The following ZNF385D variants were observed in gnomAD, a reference collection of about 807,000 sequenced individuals.
The protein encoded by ZNF385D is zinc finger protein 385D, also known as zinc finger protein 659.
In ZNF385D, 15 loss-of-function variants were observed where a neutral mutation model predicts 35.8. The observed-to-expected ratio is 0.42, with a 90% CI of 0.28 to 0.64. The LOEUF (loss-of-function observed/expected upper bound fraction) is 0.64, where lower values mean the gene tolerates loss of function less well. Among genes scored for constraint, ZNF385D ranks in the 30% least tolerant of loss-of-function variants. ZNF385D has a pLI of 0.23. For missense variants in ZNF385D, 474 were observed against 494.6 expected (o/e 0.96, Z 0.39); for synonymous variants, 212 against 186.8 (o/e 1.13, Z -1.10).
At chr3:21,937,694 T>G (rs61409793) in intron 3 of ZNF385D, among the ~76,000 whole-genome samples, 376 of 152,122 alleles carry the variant, frequency 2.5e-3, no homozygotes, top group African/African-American at 8.6e-3. Flanking sequence ...AATTATCTGT[T>G]TCCCTACAGC....
chr3:21,471,549 T>C (rs1406980000), intron 4 of ZNF385D, among the ~76,000 whole-genome samples: 2 of 152,166 alleles, frequency 1.3e-5, no homozygotes, highest in East Asian at 1.9e-4. Flanking sequence ...ACATTATTTA[T>C]GGTGGAAACA....
chr3:22,369,039 A>G (rs1293190150), intron 2 of ZNF385D, among the ~76,000 whole-genome samples: 2 of 152,176 alleles, frequency 1.3e-5, no homozygotes, highest in Admixed American at 1.3e-4. Context: ...CTTGATTTTC[A>G]ACTCACCAGC....
chr3:22,065,598 C>A (rs970868008), intron 3 of ZNF385D, among the ~76,000 whole-genome samples: 3 of 152,054 alleles, frequency 2.0e-5, no homozygotes, highest in African/African-American at 7.2e-5. Flanking sequence ...GTGAAAAGAT[C>A]AATTTGTTGA....
rs192292915 is a variant in ZNF385D at position 21,512,424 on chromosome 3, A to C, written c.277-1401T>G. ...TTCACTTTGCCAAAAAATAATAATC[A>C]CATTGTCCTCTTCATTACAGAACCT... On this transcript the variant is annotated intron_variant, in intron 3 of 7. Coordinates refer to ENST00000281523, the MANE Select transcript of ZNF385D (RefSeq NM_024697.3). Among the ~76,000 whole-genome samples the C allele has an allele frequency of 2.8e-3, 428 of 152,310 alleles. 1 individual carries two copies. Among genetic ancestry groups the C allele is most frequent in the Non-Finnish European group, 4.6e-3 (316 of 68,024 alleles).
At chr3:21,957,425 G>A (rs1021516478) in intron 3 of ZNF385D, among the ~76,000 whole-genome samples, 2 of 152,122 alleles carry the variant, frequency 1.3e-5, no homozygotes, top group Non-Finnish European at 2.9e-5. Context: ...ACTTTCTGTA[G>A]ACTTGTTGAA....
At chr3:22,293,825 G>A (rs1035577671) in intron 2 of ZNF385D, among the ~76,000 whole-genome samples, 12 of 152,060 alleles carry the variant, frequency 7.9e-5, no homozygotes, top group Non-Finnish European at 1.8e-4. Flanking sequence ...TATCCCTGGA[G>A]GTGAGGCCTA....
At chr3:22,169,289 C>A (rs1380787536) in intron 2 of ZNF385D, among the ~76,000 whole-genome samples, 1 of 152,234 alleles carries the variant, frequency 6.6e-6, no homozygotes, top group Middle Eastern at 3.4e-3. Context: ...ATTTAATTAT[C>A]ATAACAATGT....
chr3:22,111,776 G>A (rs1702549866), intron 3 of ZNF385D, among the ~76,000 whole-genome samples: 1 of 152,008 alleles, frequency 6.6e-6, no homozygotes, highest in South Asian at 2.1e-4. Flanking sequence ...AAATGCTTTT[G>A]CTTAGGACTC....
chr3:21,681,248 T>C (rs1163006322), intron 1 of ZNF385D, among the ~76,000 whole-genome samples: 1 of 127,644 alleles, frequency 7.8e-6, no homozygotes, highest in Non-Finnish European at 1.6e-5. Flanking sequence ...ATTATTTTTA[T>C]TTTAAATAAG....
At chr3:22,109,554 T>A (rs753291557) in intron 3 of ZNF385D, among the ~76,000 whole-genome samples, 15 of 152,076 alleles carry the variant, frequency 9.9e-5, no homozygotes, top group Non-Finnish European at 1.9e-4. Context: ...GCAAATAGGG[T>A]TTTTCTCAGA....
intron 2 of ZNF385D, among the ~76,000 whole-genome samples, chr3:22,198,498 A>C (rs982906093): frequency 1.1e-4 from 17 of 152,238 alleles, no homozygotes; most frequent in African/African-American, 4.1e-4. Context: ...TAGAATAAAG[A>C]AAACAAGAGA....
chr3:22,192,267 C>A (rs1364408122), intron 2 of ZNF385D, among the ~76,000 whole-genome samples: 1 of 152,108 alleles, frequency 6.6e-6, no homozygotes, highest in Non-Finnish European at 1.5e-5. Context: ...GCTGAGATGT[C>A]TGCAATGAGT....
intron 3 of ZNF385D, among the ~76,000 whole-genome samples, chr3:21,767,628 G>A (rs1044804454): frequency 1.3e-5 from 2 of 151,868 alleles, no homozygotes; most frequent in African/African-American, 4.8e-5. Flanking sequence ...TAGATGAGTG[G>A]GTGGATGGAT....
At chr3:21,912,094 C>T (rs982688008) in intron 3 of ZNF385D, among the ~76,000 whole-genome samples, 38 of 151,884 alleles carry the variant, frequency 2.5e-4, no homozygotes, top group African/African-American at 8.7e-4. Context: ...AGCTTGCTTA[C>T]TTAGGCTCAC....
chr3:21,669,064 G>A (rs895437281), intron 1 of ZNF385D, among the ~76,000 whole-genome samples: 1 of 152,142 alleles, frequency 6.6e-6, no homozygotes, highest in East Asian at 1.9e-4. Flanking sequence ...GTCTTTTAAA[G>A]CCTCCATGGA....
chr3:22,296,801 G>C (rs9871951), intron 2 of ZNF385D, among the ~76,000 whole-genome samples: 1 of 152,064 alleles, frequency 6.6e-6, no homozygotes, highest in African/African-American at 2.4e-5. Context: ...GAGCATGGTG[G>C]TTGGCTTCTC....
At chr3:21,910,631 TATA>T in intron 3 of ZNF385D, among the ~76,000 whole-genome samples, 1 of 152,004 alleles carries the variant, frequency 6.6e-6, no homozygotes, top group Non-Finnish European at 1.5e-5. Flanking sequence ...GTATCTCATG[TATA>T]ATAATATAAT....
chr3:22,083,218 G>A (rs1324060379), intron 3 of ZNF385D, among the ~76,000 whole-genome samples: 1 of 152,186 alleles, frequency 6.6e-6, no homozygotes, highest in Admixed American at 6.5e-5. Context: ...GAACAAAGCT[G>A]GACGGAGAAT....
chr3:22,196,546 A>G (rs1696427473), intron 2 of ZNF385D, among the ~76,000 whole-genome samples: 1 of 151,394 alleles, frequency 6.6e-6, no homozygotes, highest in Non-Finnish European at 1.5e-5. Flanking sequence ...TATCTTGTTG[A>G]TAATATTGTG....
Sources: gnomAD v4.1 joint callset for allele counts (sites outside exome capture counted in the v4.1 genomes callset) on GRCh38, gnomAD v4.1.1 for gene constraint, MANE v1.5 for transcripts, NCBI Gene and HGNC (gene_info 2026-07-23, HGNC 2026-07-21) for gene names.